The following TRIO variants were observed in gnomAD, a reference collection of about 807,000 sequenced individuals.
The protein encoded by TRIO is trio Rho guanine nucleotide exchange factor.
Under a neutral mutation model 351.9 loss-of-function variants are expected in TRIO, and 58 were observed. The observed-to-expected ratio is 0.16, with a 90% CI of 0.13 to 0.21. The LOEUF is 0.21. Among genes scored for constraint, TRIO ranks in the 10% least tolerant of loss-of-function variants. The probability of loss-of-function intolerance (pLI) is 1.00; values close to 1 mark genes in which losing one functional copy is unlikely to be tolerated. For missense variants in TRIO, 3,201 were observed against 4,027.8 expected, an observed-to-expected ratio of 0.79 and a Z score of 5.56; for synonymous variants, 1,758 against 1,595.7, an observed-to-expected ratio of 1.10 and a Z score of -2.42.
chr5:14,237,493 G>A (rs1458202997), intron 1 of TRIO, among the ~76,000 whole-genome samples: 1 of 152,178 alleles, frequency 6.6e-6, no homozygotes, highest in Admixed American at 6.5e-5. Context: ...ATCCGGATTC[G>A]TGAAGGCAGG....
At chr5:14,280,840 T>C (rs562097060) in intron 3 of TRIO, among the ~76,000 whole-genome samples, 8 of 152,350 alleles carry the variant, frequency 5.3e-5, no homozygotes, top group Non-Finnish European at 7.3e-5. Context: ...TCTGTTGATA[T>C]GTAGCACGAA....
Position 14,387,586 on chromosome 5 carries a change from C to T in TRIO, c.3719C>T (p.Thr1240Ile). The change falls in exon 22 of 57, where the codon ACC (threonine) becomes ATC (isoleucine). Residue 1240 changes from threonine (T) to isoleucine (I), a missense_variant. Around this residue, in one of 19 missense-constraint regions of TRIO, gnomAD observed 201 missense variants for 266.5 expected, o/e 0.75. Transcript: ENST00000344204. ...TCTCTGCGGATGGAGAAGTACAGGA[C>T]CTCTTTGGAAAAAGCCCTGGGGATT... is the stretch of plus-strand genomic sequence containing the variant. ...DFSLRMEKYR[T>I]SLEKALGISS... 6.2e-7 allele frequency: 1 copy of T among 1,613,772 alleles called. No homozygotes were observed. The highest frequency in any genetic ancestry group is 8.5e-7 in the Non-Finnish European group (1 of 1,179,802).
At chr5:14,149,785 G>A (rs943005055) in intron 1 of TRIO, among the ~76,000 whole-genome samples, 5 of 152,184 alleles carry the variant, frequency 3.3e-5, no homozygotes, top group African/African-American at 1.2e-4. Context: ...TCCTATTTGG[G>A]CTTTGTCATC....
At chr5:14,268,860 CGGCAGATGA>C (rs1795837331) in intron 1 of TRIO, among the ~76,000 whole-genome samples, 1 of 152,182 alleles carries the variant, frequency 6.6e-6, no homozygotes, top group Non-Finnish European at 1.5e-5. Context: ...ACGGCAGCCA[CGGCAGATGA>C]AGTCAGTCTT....
chr5:14,364,849 C>G (rs192683358), intron 15 of TRIO, 33 bp downstream of exon 15: 2 of 1,587,342 alleles, frequency 1.3e-6, no homozygotes, highest in Non-Finnish European at 1.7e-6. Context: ...GGGGAGGCTG[C>G]GCTACAGATG....
intron 41 of TRIO, among the ~76,000 whole-genome samples, 169 bp from the exon 42 acceptor site, chr5:14,479,092 G>C (rs535771421): frequency 1.3e-5 from 2 of 152,288 alleles, no homozygotes; most frequent in South Asian, 2.1e-4. Context: ...CCACACCGTA[G>C]AATGCTGATC....
chr5:14,337,125 ACGTG>A (rs1741490297), intron 11 of TRIO, among the ~76,000 whole-genome samples: 1 of 152,176 alleles, frequency 6.6e-6, no homozygotes, highest in African/African-American at 2.4e-5. Flanking sequence ...ATGCTAGTAA[ACGTG>A]AGTGTTACCT....
At chr5:14,506,890 C>A (rs1295411185) in intron 55 of TRIO, among the ~76,000 whole-genome samples, 1 of 152,222 alleles carries the variant, frequency 6.6e-6, no homozygotes, top group Admixed American at 6.5e-5. Context: ...CTGTGCCGCT[C>A]TACCACCGGC....
intron 15 of TRIO, among the ~76,000 whole-genome samples, chr5:14,365,963 G>A (rs1366741796): frequency 1.3e-5 from 2 of 152,198 alleles, no homozygotes; most frequent in Non-Finnish European, 2.9e-5. Context: ...AGAGACTCCT[G>A]CTTTGCTTTC....
At chr5:14,498,010 C>G in intron 51 of TRIO, 79 bp from the exon 52 acceptor site, 13 of 1,610,624 alleles carry the variant, frequency 8.1e-6, no homozygotes, top group Non-Finnish European at 1.1e-5. Flanking sequence ...TAGGTCCTAT[C>G]AATCTGTCGG....
chr5:14,250,737 G>A (rs1340852974), intron 1 of TRIO, among the ~76,000 whole-genome samples: 1 of 152,154 alleles, frequency 6.6e-6, no homozygotes, highest in Non-Finnish European at 1.5e-5. Flanking sequence ...CTCCTATGGT[G>A]CTGTTTTTTG....
chr5:14,395,903 G>A (rs866012375), intron 28 of TRIO, among the ~76,000 whole-genome samples: 8 of 151,918 alleles, frequency 5.3e-5, no homozygotes, highest in Non-Finnish European at 1.0e-4. Context: ...AATACTAGCC[G>A]GGCATGGTGG....
chr5:14,358,401 TC>T, intron 12 of TRIO, 54 bp downstream of exon 12: 1 of 1,590,460 alleles, frequency 6.3e-7, no homozygotes, highest in Non-Finnish European at 8.6e-7. Flanking sequence ...TGCCTGTGAC[TC>T]CCCTTCCCCT....
intron 5 of TRIO, among the ~76,000 whole-genome samples, chr5:14,291,527 G>A (rs1159896896): frequency 6.6e-6 from 1 of 151,910 alleles, no homozygotes; most frequent in Non-Finnish European, 1.5e-5. Context: ...CCGTGCTCAC[G>A]CCTGTAATCC....
chr5:14,462,980 G>C, intron 36 of TRIO, 55 bp downstream of exon 36: 5 of 1,492,610 alleles, frequency 3.3e-6, no homozygotes, highest in African/African-American at 1.4e-5. Context: ...GGCAGGGCAC[G>C]CTCGGTAGCT....
At chr5:14,159,252 G>A (rs1788286165) in intron 1 of TRIO, among the ~76,000 whole-genome samples, 1 of 151,492 alleles carries the variant, frequency 6.6e-6, no homozygotes, top group Admixed American at 6.6e-5. Context: ...CCAGGTTTCA[G>A]TTGTGATTTG....
intron 11 of TRIO, among the ~76,000 whole-genome samples, chr5:14,350,610 G>A (rs1278347398): frequency 6.6e-6 from 1 of 152,122 alleles, no homozygotes; most frequent in Non-Finnish European, 1.5e-5. Flanking sequence ...CTCTGGTGCT[G>A]GAGTGTCCAC....
At chr5:14,437,686 A>ACCCCCCCCCCC (rs1164194119) in intron 34 of TRIO, among the ~76,000 whole-genome samples, 1 of 99,332 alleles carries the variant, frequency 1.0e-5, no homozygotes, top group African/African-American at 4.5e-5. Flanking sequence ...GATGAGGACC[A>ACCCCCCCCCCC]CCCCCCCCGC....
At chr5:14,459,507 G>A (rs1363947705) in intron 34 of TRIO, among the ~76,000 whole-genome samples, 6 of 152,226 alleles carry the variant, frequency 3.9e-5, no homozygotes, top group South Asian at 4.1e-4. Flanking sequence ...ACTGGTGTGC[G>A]AGTTGTACAG....
Sources: gnomAD v4.1 joint callset for allele counts (sites outside exome capture counted in the v4.1 genomes callset) on GRCh38, gnomAD v4.1.1 for gene constraint, gnomAD v4.1.1 regional missense constraint, MANE v1.5 for transcripts, NCBI Gene and HGNC (gene_info 2026-07-23, HGNC 2026-07-21) for gene names.